The following KCNH5 variants were observed in gnomAD, a reference collection of about 807,000 sequenced individuals.
KCNH5 encodes the protein potassium voltage-gated channel subfamily H member 5.
A neutral mutation model predicts 96.1 loss-of-function variants in KCNH5; 46 were observed. The ratio of observed to expected loss-of-function variants is 0.48; its 90% CI spans 0.38 to 0.61. KCNH5 has a LOEUF of 0.61. KCNH5 is among the 20% of genes least tolerant of loss of function. The pLI, the probability that KCNH5 is intolerant of heterozygous loss-of-function variation, is 0.00. For synonymous variants in KCNH5, 439 were observed against 449.8 expected (o/e 0.98, Z 0.30); for missense variants, 907 against 1,225.8 (o/e 0.74, Z 3.88).
chr14:62,888,868 C>CAA (rs1263707554), intron 7 of KCNH5, among the ~76,000 whole-genome samples: 1 of 152,162 alleles, frequency 6.6e-6, no homozygotes, highest in Non-Finnish European at 1.5e-5. Flanking sequence ...AGAATTTAGA[C>CAA]AAATAAGTTC....
intron 10 of KCNH5, among the ~76,000 whole-genome samples, chr14:62,732,672 T>C (rs1330634099): frequency 1.3e-5 from 2 of 152,176 alleles, no homozygotes; most frequent in Non-Finnish European, 2.9e-5. Context: ...ATGACTATTT[T>C]GATGGGCTTA....
intron 1 of KCNH5, among the ~76,000 whole-genome samples, chr14:63,021,297 T>C (rs1398221717): frequency 6.6e-6 from 1 of 152,126 alleles, no homozygotes; most frequent in African/African-American, 2.4e-5. Context: ...TCTCAAATCC[T>C]TTCCGAGGCT....
chr14:62,895,439 T>G (rs1888791438), intron 7 of KCNH5, among the ~76,000 whole-genome samples: 1 of 152,074 alleles, frequency 6.6e-6, no homozygotes, highest in South Asian at 2.1e-4. Context: ...CAAGCGATTC[T>G]CCTGCCTCAG....
chr14:62,863,388 A>G (rs1888074082), intron 7 of KCNH5, among the ~76,000 whole-genome samples: 2 of 152,216 alleles, frequency 1.3e-5, no homozygotes, highest in Admixed American at 1.3e-4. Flanking sequence ...AAGACAAAAA[A>G]CAAACCATTA....
intron 7 of KCNH5, among the ~76,000 whole-genome samples, chr14:62,935,230 T>G (rs936852603): frequency 6.6e-6 from 1 of 152,202 alleles, no homozygotes; most frequent in African/African-American, 2.4e-5. Flanking sequence ...TGGTTTTGAA[T>G]TTACAACTTT....
intron 7 of KCNH5, among the ~76,000 whole-genome samples, chr14:62,856,610 G>A (rs1226436759): frequency 6.6e-6 from 1 of 152,080 alleles, no homozygotes; most frequent in East Asian, 1.9e-4. Flanking sequence ...AATGGCTCCG[G>A]TTGGCCTTAG....
intron 1 of KCNH5, among the ~76,000 whole-genome samples, chr14:63,031,236 TG>T (rs1378956400): frequency 6.6e-6 from 1 of 152,142 alleles, no homozygotes; most frequent in Admixed American, 6.6e-5. Flanking sequence ...TGTTTTATTT[TG>T]TTTTAATATA....
chr14:62,866,908 G>C (rs1004860407), intron 7 of KCNH5, among the ~76,000 whole-genome samples: 2 of 152,098 alleles, frequency 1.3e-5, no homozygotes, highest in East Asian at 1.9e-4. Flanking sequence ...ATCATGTCCT[G>C]ATAGTAAGAA....
chr14:62,998,966 A>G (rs1320708059), intron 4 of KCNH5, among the ~76,000 whole-genome samples: 1 of 152,212 alleles, frequency 6.6e-6, no homozygotes, highest in Non-Finnish European at 1.5e-5. Context: ...GCAAATGAGC[A>G]TTAAACCTAA....
intron 8 of KCNH5, among the ~76,000 whole-genome samples, chr14:62,843,922 TAA>T (rs933432000): frequency 6.6e-6 from 1 of 152,088 alleles, no homozygotes; most frequent in Non-Finnish European, 1.5e-5. Flanking sequence ...TTTCCCAAAT[TAA>T]AAAAATATAC....
Position 62,987,203 on chromosome 14 carries a change from A to T in KCNH5, c.434-16T>A, listed in dbSNP as rs1566731528. The T allele has an allele frequency of 1.9e-6, 3 of 1,557,280 alleles. No homozygotes were observed. The highest frequency in any genetic ancestry group is 2.7e-6 in the Non-Finnish European group (3 of 1,128,650). On this transcript the variant is annotated splice_polypyrimidine_tract_variant and intron_variant, in intron 4 of 10. Coordinates refer to ENST00000322893, the MANE Select transcript of KCNH5 (RefSeq NM_139318.5). ...TTCGTCCAACCTTAAAAATAAGGAA[A>T]GAAAGTCTCAGTTTTTCATACAAAT...
At chr14:62,736,821 T>C (rs181132097) in intron 10 of KCNH5, among the ~76,000 whole-genome samples, 1 of 152,286 alleles carries the variant, frequency 6.6e-6, no homozygotes, top group East Asian at 1.9e-4. Flanking sequence ...ACAGTTCATG[T>C]TTCTTTTCTC....
intron 8 of KCNH5, among the ~76,000 whole-genome samples, chr14:62,827,267 A>G (rs1044507704): frequency 6.6e-6 from 1 of 152,116 alleles, no homozygotes; most frequent in African/African-American, 2.4e-5. Context: ...TGGCTGTTTC[A>G]TTCTTTTACT....
At chr14:62,854,293 A>T (rs1387554494) in intron 7 of KCNH5, among the ~76,000 whole-genome samples, 1 of 152,180 alleles carries the variant, frequency 6.6e-6, no homozygotes, top group Non-Finnish European at 1.5e-5. Context: ...TTCCTAGAAC[A>T]TGGCAAGTGT....
chr14:62,710,012 ATACGTTGGT>A (rs1884534988), intron 10 of KCNH5, among the ~76,000 whole-genome samples: 1 of 152,176 alleles, frequency 6.6e-6, no homozygotes, highest in Non-Finnish European at 1.5e-5. Flanking sequence ...GACACTCAGC[ATACGTTGGT>A]TCTCTCTCCT....
At chr14:63,023,924 G>A (rs998514059) in intron 1 of KCNH5, among the ~76,000 whole-genome samples, 2 of 152,048 alleles carry the variant, frequency 1.3e-5, no homozygotes, top group African/African-American at 4.8e-5. Context: ...AATATCTTGA[G>A]ACAGGCTGGG....
At chr14:63,003,698 C>A (rs1214335417) in intron 3 of KCNH5, among the ~76,000 whole-genome samples, 1 of 144,868 alleles carries the variant, frequency 6.9e-6, no homozygotes, top group East Asian at 2.0e-4. Context: ...CGGCTCACTG[C>A]GAGCTCCACC....
At position 63,045,424 on chromosome 14, in the gene KCNH5, C is replaced by A. The variant is rs981127772; in HGVS notation, c.-238G>T. On this transcript the variant is annotated 5_prime_UTR_variant, in exon 1 of 11. Coordinates refer to ENST00000322893, the MANE Select transcript of KCNH5 (RefSeq NM_139318.5). ...GCTCCCCCGGCCGCCGCTGCCCAGACTGTGGCGGTGCCGCACACGGGGCTC... is the reference window on the plus strand; with the variant it reads ...GCTCCCCCGGCCGCCGCTGCCCAGAATGTGGCGGTGCCGCACACGGGGCTC... The A allele has an allele frequency of 3.7e-6, 2 of 547,038 alleles. No homozygotes were observed. The highest frequency in any genetic ancestry group is 6.2e-5 in the Admixed American group (2 of 32,436). The allele number at this position is 547,038 out of a possible 1,614,324, so 33.9% of individuals were successfully genotyped here. A position where few individuals can be genotyped will look rare whatever the true frequency, so the allele number is the denominator to read the frequency against.
chr14:62,929,202 C>A (rs1889532939), intron 7 of KCNH5, among the ~76,000 whole-genome samples: 1 of 134,732 alleles, frequency 7.4e-6, no homozygotes, highest in African/African-American at 2.4e-5. Flanking sequence ...ATTTTAACAA[C>A]CACCCCCCGC....
Sources: gnomAD v4.1 joint callset for allele counts (sites outside exome capture counted in the v4.1 genomes callset) on GRCh38, gnomAD v4.1.1 for gene constraint, MANE v1.5 for transcripts, NCBI Gene and HGNC (gene_info 2026-07-23, HGNC 2026-07-21) for gene names.